Variants in CLSTN2 observed in about 807,000 individuals in gnomAD.
CLSTN2 encodes calsyntenin 2, also known as calsyntenin-2.
Under a neutral mutation model 101.2 loss-of-function variants are expected in CLSTN2, and 48 were observed. The observed-to-expected ratio is 0.47, with a 90% CI of 0.38 to 0.60. CLSTN2 has a LOEUF of 0.60. CLSTN2 is among the 20% of genes least tolerant of loss of function. The probability of loss-of-function intolerance (pLI) is 0.00; values close to 1 mark genes in which losing one functional copy is unlikely to be tolerated. For missense variants in CLSTN2, 1,160 were observed against 1,238.2 expected (o/e 0.94, Z 0.95); for synonymous variants, 481 against 463.6 (o/e 1.04, Z -0.48).
chr3:140,001,561 T>C (rs2006841196), intron 1 of CLSTN2, among the ~76,000 whole-genome samples: 1 of 152,166 alleles, frequency 6.6e-6, no homozygotes, highest in South Asian at 2.1e-4. Flanking sequence ...TATATAATAA[T>C]AGCATCTCAT....
At chr3:140,342,834 T>A (rs529318229) in intron 2 of CLSTN2, among the ~76,000 whole-genome samples, 1 of 152,278 alleles carries the variant, frequency 6.6e-6, no homozygotes, top group East Asian at 1.9e-4. Flanking sequence ...TTGCAGCCTC[T>A]GCATGTGGTT....
At chr3:140,334,029 C>A (rs1013046996) in intron 2 of CLSTN2, among the ~76,000 whole-genome samples, 1 of 152,134 alleles carries the variant, frequency 6.6e-6, no homozygotes, top group East Asian at 1.9e-4. Flanking sequence ...GAGAAGAAGG[C>A]GGGGGGTAGA....
intron 1 of CLSTN2, among the ~76,000 whole-genome samples, chr3:140,169,107 G>A (rs2010175755): frequency 6.6e-6 from 1 of 152,020 alleles, no homozygotes; most frequent in South Asian, 2.1e-4. Context: ...AGTATATTGA[G>A]TCTGCCAAAT....
At chr3:140,347,146 A>C (rs777556344) in intron 2 of CLSTN2, among the ~76,000 whole-genome samples, 29 of 152,160 alleles carry the variant, frequency 1.9e-4, no homozygotes, top group Admixed American at 4.6e-4. Context: ...GTTTTTCTTG[A>C]TGGTTTTCTC....
At chr3:140,010,793 A>C (rs745781005) in intron 1 of CLSTN2, among the ~76,000 whole-genome samples, 1 of 152,262 alleles carries the variant, frequency 6.6e-6, no homozygotes, top group African/African-American at 2.4e-5. Flanking sequence ...GTTCATGTAG[A>C]AAATTTGAAA....
chr3:140,007,278 A>G (rs2006977203), intron 1 of CLSTN2, among the ~76,000 whole-genome samples: 1 of 152,184 alleles, frequency 6.6e-6, no homozygotes. Flanking sequence ...ATCTGAGTTG[A>G]GACTGAATAA....
chr3:140,318,732 T>G (rs575558260), intron 2 of CLSTN2, among the ~76,000 whole-genome samples: 190 of 152,352 alleles, frequency 1.2e-3, no homozygotes, highest in Middle Eastern at 6.8e-3. Flanking sequence ...GCCACCAGTC[T>G]GTGCTGGGAG....
At chr3:140,320,393 AAGG>A in intron 2 of CLSTN2, among the ~76,000 whole-genome samples, 1 of 152,176 alleles carries the variant, frequency 6.6e-6, no homozygotes, top group East Asian at 1.9e-4. Context: ...CCCCTAGAAG[AAGG>A]AGAAGAGTGA....
At chr3:140,493,994 T>A (rs1457354702) in intron 8 of CLSTN2, among the ~76,000 whole-genome samples, 1 of 152,214 alleles carries the variant, frequency 6.6e-6, no homozygotes, top group East Asian at 1.9e-4. Context: ...CAGAATGTCT[T>A]TTTTTGAAAA....
chr3:140,294,380 A>G (rs1023337177), intron 2 of CLSTN2, among the ~76,000 whole-genome samples: 1 of 152,190 alleles, frequency 6.6e-6, no homozygotes, highest in African/African-American at 2.4e-5. Context: ...CTACATGCCT[A>G]CACTGACTTT....
intron 5 of CLSTN2, among the ~76,000 whole-genome samples, chr3:140,427,232 T>TAC (rs1325619168): frequency 8.1e-4 from 96 of 118,994 alleles, no homozygotes; most frequent in Admixed American, 8.5e-4. Flanking sequence ...TATGTGTGTA[T>TAC]ATATATATAT....
chr3:139,949,208 C>T (rs1012825590), intron 1 of CLSTN2, among the ~76,000 whole-genome samples: 4 of 152,172 alleles, frequency 2.6e-5, no homozygotes, highest in Admixed American at 6.5e-5. Context: ...CACCTATCTG[C>T]GCCTCACTAG....
intron 2 of CLSTN2, among the ~76,000 whole-genome samples, chr3:140,306,674 T>C (rs1276472158): frequency 3.3e-5 from 5 of 152,088 alleles, no homozygotes; most frequent in Non-Finnish European, 5.9e-5. Flanking sequence ...ATTCACGCTG[T>C]GTGTTCTGGA....
intron 2 of CLSTN2, among the ~76,000 whole-genome samples, chr3:140,249,961 G>T (rs966174171): frequency 6.6e-6 from 1 of 152,174 alleles, no homozygotes; most frequent in Admixed American, 6.5e-5. Context: ...CTTACAGCTG[G>T]CAGGGAAAGC....
chr3:140,233,207 A>C (rs115585093), intron 2 of CLSTN2, among the ~76,000 whole-genome samples: 5,928 of 152,148 alleles, frequency 0.039, 354 homozygotes, highest in African/African-American at 0.13. Flanking sequence ...TTGCATTGCT[A>C]TAACTGCCTG....
rs184525762 is a variant in CLSTN2 at position 140,079,162 on chromosome 3, G to A, written c.110-96789G>A. Among the ~76,000 whole-genome samples, 438 of 152,136 alleles carry A rather than the reference G, an allele frequency of 2.9e-3. 3 individuals carry two copies. Among genetic ancestry groups the A allele is most frequent in the African/African-American group, 0.01 (419 of 41,492 alleles). On this transcript the variant is annotated intron_variant, in intron 1 of 16. Transcript: ENST00000458420. ...AGGCTTCTAACATGGTGCCTGGTAG[G>A]TTTCCTACTTACCAAACCACAGGTA...
chr3:140,085,694 CT>C (rs1434740764), intron 1 of CLSTN2, among the ~76,000 whole-genome samples: 1 of 152,164 alleles, frequency 6.6e-6, no homozygotes, highest in Non-Finnish European at 1.5e-5. Flanking sequence ...TCCTCTGCCC[CT>C]CTCTCCATTG....
chr3:140,073,101 T>C (rs1224647704), intron 1 of CLSTN2, among the ~76,000 whole-genome samples: 3 of 152,192 alleles, frequency 2.0e-5, no homozygotes, highest in Non-Finnish European at 2.9e-5. Context: ...GGCTGTTCTT[T>C]GTAAAAAATG....
At chr3:140,514,653 G>A (rs1576607027) in intron 8 of CLSTN2, among the ~76,000 whole-genome samples, 1 of 152,248 alleles carries the variant, frequency 6.6e-6, no homozygotes, top group Non-Finnish European at 1.5e-5. Flanking sequence ...CCAGGAGTGG[G>A]ATTGCTGGAA....
Sources: allele counts gnomAD v4.1 joint callset (sites outside exome capture counted in the v4.1 genomes callset), GRCh38; gene constraint gnomAD v4.1.1; transcripts MANE v1.5; gene names NCBI Gene and HGNC (gene_info 2026-07-23, HGNC 2026-07-21).